The following PACS1 variants were observed in gnomAD, a reference collection of about 807,000 sequenced individuals.
PACS1 encodes PACS-1.
A neutral mutation model predicts 115.0 loss-of-function variants in PACS1; 24 were observed. The observed-to-expected ratio is 0.21, with a 90% CI of 0.15 to 0.29. The LOEUF is 0.29. Ranked by LOEUF, PACS1 falls within the 10% of genes least tolerant of loss-of-function variation. The pLI is 1.00. For missense variants in PACS1, 838 were observed against 1,251.2 expected, an observed-to-expected ratio of 0.67 and a Z score of 4.98; for synonymous variants, 453 against 504.5, an observed-to-expected ratio of 0.90 and a Z score of 1.37.
rs1477854418 is a variant in PACS1 at position 66,213,816 on chromosome 11, G to A, written c.661-2303G>A. Among the ~76,000 whole-genome samples, 31 of 152,190 alleles carry A rather than the reference G, an allele frequency of 2.0e-4. 1 individual carries two copies. The highest frequency in any genetic ancestry group is 1.3e-4 in the Non-Finnish European group (9 of 68,006). ...TGGGAGGCTGTGGCAGGCGGATCAC[G>A]AGGTCAGGAGATCGAAACCATCCTG... On this transcript the variant is annotated intron_variant, in intron 4 of 23. Coordinates refer to ENST00000320580, the MANE Select transcript of PACS1 (RefSeq NM_018026.4).
chr11:66,132,011 C>T (rs1202587899), intron 1 of PACS1, among the ~76,000 whole-genome samples: 2 of 152,006 alleles, frequency 1.3e-5, no homozygotes, highest in Non-Finnish European at 2.9e-5. Flanking sequence ...GTACACTTGT[C>T]CCTTGGTATC....
rs1855690487 is a variant in PACS1 at position 66,235,659 on chromosome 11, C to T, written c.2208-239C>T. On this transcript the variant is annotated intron_variant, in intron 18 of 23. Coordinates refer to ENST00000320580, the MANE Select transcript of PACS1 (RefSeq NM_018026.4). This position sits in a 1 kb window ranked among gnomAD's most constrained non-coding sequence, Gnocchi z 5.6. ...AAGCAGCCCATCCTCATAGCTGGAA[C>T]TCAGACGTGGGAAGCAGGGAGCGTA... 1.1e-5 allele frequency: 7 copies of T among 609,492 alleles called. No individual in the cohort carries two copies. In the Admixed American group the frequency reaches 1.7e-4, roughly 15 times the overall value. The allele number at this position is 609,492 out of a possible 1,614,324, so 37.8% of individuals were successfully genotyped here.
At position 66,211,181 on chromosome 11, in the gene PACS1, G is replaced by A. The variant is rs560748025; in HGVS notation, c.582G>A (p.Leu194=). The change falls in exon 4 of 24, where the codon CTG becomes CTA. Residue 194 remains leucine, a synonymous_variant. Transcript: ENST00000320580. Reference sequence around the variant, plus strand: ...ATGCCAACAAGCTGCAGATCATGCTGCAAAGGAGAAAACGTTACAAGAATC... The same window carrying A: ...ATGCCAACAAGCTGCAGATCATGCTACAAAGGAGAAAACGTTACAAGAATC... ...KRDANKLQIM[L]QRRKRYKNRT... 1.9e-6 allele frequency: 3 copies of A among 1,613,824 alleles called. No homozygotes were observed. Among genetic ancestry groups the A allele is most frequent in the South Asian group, 2.2e-5 (2 of 91,072 alleles).
intron 1 of PACS1, among the ~76,000 whole-genome samples, chr11:66,115,744 T>G (rs563426295): frequency 2.6e-5 from 4 of 152,262 alleles, no homozygotes; most frequent in African/African-American, 9.6e-5. Flanking sequence ...CCTGTTTTTC[T>G]TTCGTATTAG....
intron 1 of PACS1, among the ~76,000 whole-genome samples, chr11:66,156,821 C>G (rs1234990047): frequency 6.6e-6 from 1 of 151,434 alleles, no homozygotes; most frequent in Non-Finnish European, 1.5e-5. Context: ...CCACTGCACT[C>G]CAGCCTGGGC....
At chr11:66,194,988 G>A (rs1854617775) in intron 2 of PACS1, among the ~76,000 whole-genome samples, 1 of 152,204 alleles carries the variant, frequency 6.6e-6, no homozygotes, top group Non-Finnish European at 1.5e-5. Flanking sequence ...ACTTTGGGAG[G>A]CTGAGGTGGT....
chr11:66,078,839 C>CCACCG (rs1228957861), intron 1 of PACS1, among the ~76,000 whole-genome samples: 2 of 152,250 alleles, frequency 1.3e-5, no homozygotes, highest in Non-Finnish European at 2.9e-5. Flanking sequence ...TAGGCGTAAG[C>CCACCG]CACCGCACCC....
intron 23 of PACS1, 29 bp downstream of exon 23, chr11:66,243,060 G>A (rs766111366): frequency 6.2e-7 from 1 of 1,613,538 alleles, no homozygotes; most frequent in Non-Finnish European, 8.5e-7. Flanking sequence ...CCGGGAGGAG[G>A]GCAAGAAAGG....
intron 2 of PACS1, among the ~76,000 whole-genome samples, chr11:66,196,514 C>T (rs1158537462): frequency 6.6e-6 from 1 of 152,202 alleles, no homozygotes; most frequent in East Asian, 1.9e-4. Context: ...TATTTAGACT[C>T]AGGTATTTGG....
rs565153014 is a variant in PACS1 at position 66,129,902 on chromosome 11, C to T, written c.356+59060C>T. 5.9e-5 allele frequency among the ~76,000 whole-genome samples: 9 copies of T among 152,246 alleles called. No homozygotes were observed. In the East Asian group the frequency reaches 1.7e-3, roughly 29 times the overall value. ...AAATGATGTTAGGAGGACATCTACC[C>T]ATTTATGATAATTCTTTAAACATTC... On this transcript the variant is annotated intron_variant, in intron 1 of 23. Transcript: ENST00000320580.
chr11:66,202,869 A>G (rs367694865), intron 2 of PACS1, among the ~76,000 whole-genome samples: 18 of 151,182 alleles, frequency 1.2e-4, no homozygotes, highest in African/African-American at 3.2e-4. Flanking sequence ...CCTCAACACA[A>G]TAAAAGCCAT....
chr11:66,238,992 T>G (rs1050044698), intron 20 of PACS1, 146 bp downstream of exon 20: 9 of 1,372,158 alleles, frequency 6.6e-6, no homozygotes, highest in Admixed American at 2.0e-5. Context: ...CTCACTCCCC[T>G]GCTGCGGTGG....
chr11:66,139,160 ATAG>A (rs1858919449), intron 1 of PACS1, among the ~76,000 whole-genome samples: 1 of 152,172 alleles, frequency 6.6e-6, no homozygotes, highest in Admixed American at 6.5e-5. Context: ...TGTGCTTGAG[ATAG>A]TGGTGGCTAA....
intron 1 of PACS1, among the ~76,000 whole-genome samples, chr11:66,104,409 C>T (rs1393360607): frequency 6.6e-6 from 1 of 152,112 alleles, no homozygotes; most frequent in African/African-American, 2.4e-5. Context: ...GGTTTGTAGC[C>T]CAAATCCTGT....
At chr11:66,179,213 A>T (rs1351194321) in intron 1 of PACS1, among the ~76,000 whole-genome samples, 1 of 152,088 alleles carries the variant, frequency 6.6e-6, no homozygotes, top group Non-Finnish European at 1.5e-5. Context: ...TTTATTGACC[A>T]CTTGCTCTCC....
intron 1 of PACS1, among the ~76,000 whole-genome samples, chr11:66,145,349 C>A (rs1020662650): frequency 6.6e-5 from 10 of 152,194 alleles, no homozygotes; most frequent in African/African-American, 2.2e-4. Flanking sequence ...AGAGGTAATG[C>A]GCTTGATTTG....
At position 66,220,797 on chromosome 11, in the gene PACS1, C is replaced by T; in HGVS notation, c.1199+6C>T. ...ACGCCAAAGCCCAAGCTCAAGTGAG[C>T]CCCCCTCTCTGTAGCTGGCCTCCAG... On this transcript the variant is annotated splice_donor_region_variant and intron_variant, in intron 9 of 23. Coordinates refer to ENST00000320580, the MANE Select transcript of PACS1 (RefSeq NM_018026.4). 2 of 1,612,936 alleles carry T rather than the reference C, an allele frequency of 1.2e-6. No homozygotes were observed. Among genetic ancestry groups the T allele is most frequent in the Non-Finnish European group, 1.7e-6 (2 of 1,179,494 alleles).
intron 2 of PACS1, among the ~76,000 whole-genome samples, chr11:66,205,105 C>G (rs1565146201): frequency 2.0e-5 from 3 of 152,150 alleles, no homozygotes. Context: ...CTACCTCAGC[C>G]TCCCAAGTAG....
chr11:66,088,046 CTGTT>C (rs1320464547), intron 1 of PACS1, among the ~76,000 whole-genome samples: 1 of 152,116 alleles, frequency 6.6e-6, no homozygotes, highest in African/African-American at 2.4e-5. Context: ...TATGAACTGT[CTGTT>C]CAGGTTGATT....
Sources: gnomAD v4.1 joint callset for allele counts (sites outside exome capture counted in the v4.1 genomes callset) on GRCh38, gnomAD v4.1.1 for gene constraint, Gnocchi (gnomAD v3.1) non-coding constraint, MANE v1.5 for transcripts, NCBI Gene and HGNC (gene_info 2026-07-23, HGNC 2026-07-21) for gene names.